The following TUBGCP4 variants were observed in gnomAD, a reference collection of about 807,000 sequenced individuals.
TUBGCP4 encodes the protein gamma-tubulin complex component 4.
Under a neutral mutation model 91.6 loss-of-function variants are expected in TUBGCP4, and 54 were observed. The ratio of observed to expected loss-of-function variants is 0.59; its 90% CI spans 0.47 to 0.74. The LOEUF (loss-of-function observed/expected upper bound fraction) is 0.74, where lower values mean the gene tolerates loss of function less well. TUBGCP4 is among the 30% of genes least tolerant of loss of function. The pLI, the probability that TUBGCP4 is intolerant of heterozygous loss-of-function variation, is 0.00. For missense variants in TUBGCP4, 593 were observed against 800.9 expected (o/e 0.74, Z 3.13); for synonymous variants, 297 against 302.8 (o/e 0.98, Z 0.20).
intron 11 of TUBGCP4, among the ~76,000 whole-genome samples, chr15:43,396,168 G>A (rs997316617): frequency 6.6e-6 from 1 of 152,178 alleles, no homozygotes; most frequent in African/African-American, 2.4e-5. Flanking sequence ...TGAACACTTT[G>A]ATGACCTTCT....
Position 43,371,195 on chromosome 15 carries a change from C to G in TUBGCP4, c.-160C>G, listed in dbSNP as rs1213279778. The G allele has an allele frequency of 1.4e-6, 1 of 718,462 alleles. No homozygotes were observed. Among genetic ancestry groups the G allele is most frequent in the African/African-American group, 1.8e-5 (1 of 56,338 alleles). 44.5% of individuals were successfully genotyped at this position (718,462 alleles called of 1,614,324 possible). Reference sequence around the variant, plus strand: ...CGCGACCCCTTCCCAGCTTCCCGTCCGCTCCGCCGCAGCGATTGTCTCGGT... The same window carrying G: ...CGCGACCCCTTCCCAGCTTCCCGTCGGCTCCGCCGCAGCGATTGTCTCGGT... On this transcript the variant is annotated 5_prime_UTR_variant, in exon 1 of 18. Coordinates refer to ENST00000564079, the MANE Select transcript of TUBGCP4 (RefSeq NM_014444.5).
At chr15:43,372,939 A>G (rs1399277858) in intron 1 of TUBGCP4, among the ~76,000 whole-genome samples, 1 of 152,202 alleles carries the variant, frequency 6.6e-6, no homozygotes, top group African/African-American at 2.4e-5. Flanking sequence ...TCATCTACCC[A>G]GAGCACCTAG....
rs1167709952 is a variant in TUBGCP4 at position 43,371,102 on chromosome 15, G to T, written c.-253G>T. On this transcript the variant is annotated 5_prime_UTR_variant, in exon 1 of 18. Transcript: ENST00000564079. ...GCGCGAGGGCAGCGACCGCGACTCA[G>T]TCTCCGCAGAGCCCGGGCGGGAGTA... The T allele has an allele frequency of 8.7e-6, 5 of 575,020 alleles. No individual in the cohort carries two copies. The highest frequency in any genetic ancestry group is 3.0e-5 in the Admixed American group (1 of 33,020). The allele number at this position is 575,020 out of a possible 1,614,324, so 35.6% of individuals were successfully genotyped here.
chr15:43,395,010 C>CT (rs1448807896), intron 9 of TUBGCP4, 97 bp from the exon 10 acceptor site: 10 of 1,344,908 alleles, frequency 7.4e-6, no homozygotes, highest in Non-Finnish European at 1.1e-5. Context: ...AAGGTATAGT[C>CT]TTCTTTTAAT....
intron 6 of TUBGCP4, 134 bp downstream of exon 6, chr15:43,380,297 T>C (rs1241192070): frequency 1.1e-5 from 9 of 785,718 alleles, no homozygotes; most frequent in Non-Finnish European, 1.9e-5. Context: ...AAAAGCTCCA[T>C]GAGCAGAGGA....
Position 43,380,109 on chromosome 15 carries a change from C to G in TUBGCP4, c.467C>G (p.Thr156Arg). Residue 156 changes from threonine to arginine, a missense_variant, in exon 6 of 18, where the codon ACA becomes AGA. Transcript: ENST00000564079. ...QKIHGCQILE[T>R]VYKHSCGGLP... ...ATTCATGGTTGTCAAATCCTGGAAA[C>G]AGTCTACAAACACAGCTGTGGGGGG... is the stretch of plus-strand genomic sequence containing the variant. The G allele has an allele frequency of 6.2e-7, 1 of 1,614,078 alleles. No individual in the cohort carries two copies. Among genetic ancestry groups the G allele is most frequent in the Non-Finnish European group, 8.5e-7 (1 of 1,179,932 alleles).
intron 8 of TUBGCP4, 58 bp downstream of exon 8, chr15:43,386,014 A>T (rs2044351493): frequency 1.3e-6 from 2 of 1,591,558 alleles, no homozygotes; most frequent in Middle Eastern, 1.7e-4. Context: ...CCTTAATACT[A>T]TGTGGCCCCA....
intron 3 of TUBGCP4, 103 bp from the exon 4 acceptor site, chr15:43,376,911 A>G: frequency 9.2e-7 from 1 of 1,087,786 alleles, no homozygotes; most frequent in Non-Finnish European, 1.4e-6. Context: ...ATAGCCTAAA[A>G]TTAACACTTA....
At chr15:43,399,527 G>T (rs2044632854) in intron 13 of TUBGCP4, among the ~76,000 whole-genome samples, 4 of 152,142 alleles carry the variant, frequency 2.6e-5, no homozygotes, top group Admixed American at 2.6e-4. Context: ...TTAATTTTTA[G>T]TAGAGATGGC....
Position 43,377,043 on chromosome 15 carries a change from A to G in TUBGCP4, c.360A>G (p.Ser120=), listed in dbSNP as rs777620607. 3.1e-6 allele frequency: 5 copies of G among 1,613,968 alleles called. No homozygotes were observed. Among genetic ancestry groups the G allele is most frequent in the Non-Finnish European group, 3.4e-6 (4 of 1,179,844 alleles). The change falls in exon 4 of 18, where the codon TCA becomes TCG. Residue 120 remains serine (S), a synonymous_variant. Coordinates refer to ENST00000564079, the MANE Select transcript of TUBGCP4 (RefSeq NM_014444.5). The stretch of plus-strand genomic sequence containing the variant: ...TGGGTGATCCCCATCTCTCCATATC[A>G]CATGTCAACTACTTCCTAGACCAGG... The part of the protein sequence containing the change: ...EFLGDPHLSI[S]HVNYFLDQFQ...
chr15:43,398,223 A>T (rs772845414), intron 13 of TUBGCP4, 44 bp downstream of exon 13: 5 of 1,586,630 alleles, frequency 3.2e-6, no homozygotes, highest in Non-Finnish European at 4.3e-6. Flanking sequence ...GACCCACCTT[A>T]CTTGTAAGGG....
At chr15:43,388,874 A>G (rs899028346) in intron 9 of TUBGCP4, among the ~76,000 whole-genome samples, 2 of 152,188 alleles carry the variant, frequency 1.3e-5, no homozygotes, top group African/African-American at 4.8e-5. Context: ...TATGTGTTAT[A>G]TTTATCCCTT....
Position 43,408,246 on chromosome 15 carries a change from C to T in TUBGCP4, c.*3032C>T, listed in dbSNP as rs1181634054. ...TAATCCCAGCACTTTGGGAGGCTGT[C>T]GTGGTTGGATCTCTTGGGCCTGGGA... On this transcript the variant is annotated 3_prime_UTR_variant, in exon 18 of 18. Transcript: ENST00000564079. The T allele has an allele frequency of 1.8e-5, 13 of 739,894 alleles. No homozygotes were observed. The highest frequency in any genetic ancestry group is 5.4e-5 in the African/African-American group (3 of 56,038). The allele number at this position is 739,894 out of a possible 1,614,324, so 45.8% of individuals were successfully genotyped here.
Position 43,395,166 on chromosome 15 carries a change from T to G in TUBGCP4, c.1065+9T>G, listed in dbSNP as rs1404258660. 2 of 1,613,944 alleles carry G rather than the reference T, an allele frequency of 1.2e-6. No homozygotes were observed. Among genetic ancestry groups the G allele is most frequent in the Non-Finnish European group, 1.7e-6 (2 of 1,179,836 alleles). On this transcript the variant is annotated intron_variant, in intron 10 of 17. Coordinates refer to ENST00000564079, the MANE Select transcript of TUBGCP4 (RefSeq NM_014444.5). Reference sequence around the variant, plus strand: ...TACTGGGTCAGCTGAAGGTAATGGCTTAGCTGTTGTAATTCTTACGGTGAT... The same window carrying G: ...TACTGGGTCAGCTGAAGGTAATGGCGTAGCTGTTGTAATTCTTACGGTGAT...
Position 43,395,614 on chromosome 15 carries a change from G to A in TUBGCP4, c.1097G>A (p.Gly366Glu). Reference protein sequence around the residue: ...IIKDFYLLGRGELFQAFIDTA... With the variant: ...IIKDFYLLGREELFQAFIDTA... ...AAAGACTTTTACCTTCTGGGACGTG[G>A]AGAACTGTTTCAGGCCTTCATTGAC... Residue 366 changes from glycine to glutamate, a missense_variant, in exon 11 of 18, where the codon GGA (glycine) becomes GAA (glutamate). Coordinates refer to ENST00000564079, the MANE Select transcript of TUBGCP4 (RefSeq NM_014444.5). 6.2e-7 allele frequency: 1 copy of A among 1,614,106 alleles called. No homozygotes were observed. Among genetic ancestry groups the A allele is most frequent in the Non-Finnish European group, 8.5e-7 (1 of 1,179,976 alleles).
Position 43,376,741 on chromosome 15 carries a change from G to A in TUBGCP4, c.330+116G>A, listed in dbSNP as rs529479420. 8 of 1,421,690 alleles carry A rather than the reference G, an allele frequency of 5.6e-6. No individual in the cohort carries two copies. In the Admixed American group the frequency reaches 7.8e-5, roughly 14 times the overall value. The allele number at this position is 1,421,690 out of a possible 1,614,324, so 88.1% of individuals were successfully genotyped here. ...TTAAGAGTGAGCAGTTGCCTGCATG[G>A]CTGGAAGGTACAGTGTTCTCTCAGT... On this transcript the variant is annotated intron_variant, in intron 3 of 17. Transcript: ENST00000564079.
chr15:43,407,810 G>A lies in TUBGCP4; in HGVS notation c.*2596G>A, dbSNP rs2044962551. The A allele has an allele frequency of 5.2e-6, 5 of 954,838 alleles. No individual in the cohort carries two copies. In the East Asian group the frequency reaches 9.7e-5, roughly 18 times the overall value. 59.1% of individuals were successfully genotyped at this position (954,838 alleles called of 1,614,324 possible). A position where few individuals can be genotyped will look rare whatever the true frequency, so the allele number is the denominator to read the frequency against. ...ACTTATGTTGACTCACCTCTTGAAG[G>A]TGGTACTTTTCTTCTCTAAGAAACA... On this transcript the variant is annotated 3_prime_UTR_variant, in exon 18 of 18. Transcript: ENST00000564079.
In TUBGCP4 at chr15:43,406,601, A is replaced by G. The variant is rs944082228; in HGVS notation, c.*1387A>G. 2.2e-6 allele frequency: 1 copy of G among 455,984 alleles called. No homozygotes were observed. The highest frequency in any genetic ancestry group is 4.4e-6 in the Non-Finnish European group (1 of 226,770). 28.2% of individuals were successfully genotyped at this position (455,984 alleles called of 1,614,324 possible). On this transcript the variant is annotated 3_prime_UTR_variant, in exon 18 of 18. Coordinates refer to ENST00000564079, the MANE Select transcript of TUBGCP4 (RefSeq NM_014444.5). ...ATATTTACTCTTTGACCCTTTACAG[A>G]AAAAAACCTTGTTGACCCCTGCTTT...
intron 9 of TUBGCP4, among the ~76,000 whole-genome samples, chr15:43,393,546 T>C (rs1830158138): frequency 6.6e-6 from 1 of 152,202 alleles, no homozygotes. Context: ...GCTGCACCCA[T>C]TAACTCGTTA....
Sources: gnomAD v4.1 joint callset for allele counts (sites outside exome capture counted in the v4.1 genomes callset) on GRCh38, gnomAD v4.1.1 for gene constraint, MANE v1.5 for transcripts, NCBI Gene and HGNC (gene_info 2026-07-23, HGNC 2026-07-21) for gene names.